Variants in INSL6 observed in about 807,000 individuals in gnomAD.
INSL6 encodes insulin-like peptide INSL6.
Under a neutral mutation model 9.4 loss-of-function variants are expected in INSL6, and 16 were observed. The observed-to-expected ratio is 1.70, with a 90% CI of 1.15 to 2.59. The LOEUF is 2.59. Among genes scored for constraint, INSL6 ranks in the 30% most tolerant of loss-of-function variants. The pLI, the probability that INSL6 is intolerant of heterozygous loss-of-function variation, is 0.00. For missense variants in INSL6, 391 were observed against 257.3 expected, an observed-to-expected ratio of 1.52 and a Z score of -3.56; for synonymous variants, 154 against 96.9, an observed-to-expected ratio of 1.59 and a Z score of -3.46.
chr9:5,127,190 T>TG (rs1375088560), intron 3 of INSL6: 10 of 235,642 alleles, frequency 4.2e-5, no homozygotes, highest in African/African-American at 2.2e-4. Flanking sequence ...TATAATACCT[T>TG]GGCATCTTGT....
the INSL6 span, among the ~76,000 whole-genome samples, chr9:5,021,495 T>C: frequency 6.6e-6 from 1 of 152,262 alleles, no homozygotes; most frequent in African/African-American, 2.4e-5. Flanking sequence ...ATTTCTTGCA[T>C]TGTGCTTTGT....
At chr9:5,094,836 C>T in the INSL6 span, 1 of 152,098 alleles carries the variant, frequency 6.6e-6, no homozygotes, top group Non-Finnish European at 1.5e-5. Context: ...GAACTCTGTA[C>T]CATAAATTTC....
the INSL6 span, among the ~76,000 whole-genome samples, chr9:4,997,688 A>G: frequency 6.6e-6 from 1 of 152,190 alleles, no homozygotes; most frequent in Non-Finnish European, 1.5e-5. Context: ...ATAGGCAACA[A>G]TTGAATATAT....
At chr9:5,002,874 T>C in the INSL6 span, among the ~76,000 whole-genome samples, 84 of 152,122 alleles carry the variant, frequency 5.5e-4, no homozygotes, top group Non-Finnish European at 5.7e-4. Flanking sequence ...AGAGGTCACA[T>C]TGGTCTGTTT....
chr9:5,123,112 T>C (rs997101813), downstream of INSL6: 1 of 1,587,806 alleles, frequency 6.3e-7, no homozygotes, highest in Admixed American at 1.8e-5. Flanking sequence ...AGAGTAAAAG[T>C]CCACCAGCGG....
At chr9:5,023,682 T>C in the INSL6 span, among the ~76,000 whole-genome samples, 2 of 152,248 alleles carry the variant, frequency 1.3e-5, no homozygotes, top group African/African-American at 4.8e-5. Flanking sequence ...TTTCGTCTCC[T>C]TCCTTGCTTT....
chr9:5,092,372 T>C, the INSL6 span, among the ~76,000 whole-genome samples: 1 of 152,168 alleles, frequency 6.6e-6, no homozygotes, highest in Non-Finnish European at 1.5e-5. Context: ...TAAGTCGTAA[T>C]ATGGTAAGTG....
chr9:5,147,233 C>T (rs148543548), intron 2 of INSL6, among the ~76,000 whole-genome samples: 55 of 152,224 alleles, frequency 3.6e-4, no homozygotes, highest in African/African-American at 1.3e-3. Context: ...AGGGTCTGTG[C>T]TGTGGAACTA....
the INSL6 span, among the ~76,000 whole-genome samples, chr9:5,062,500 T>TAAAAAA: frequency 2.7e-4 from 16 of 58,246 alleles, 1 homozygote; most frequent in South Asian, 1.3e-3. Flanking sequence ...CTTCCATTTG[T>TAAAAAA]AAAAAAAAAA....
the INSL6 span, chr9:5,097,076 A>T: frequency 6.6e-6 from 1 of 152,096 alleles, no homozygotes; most frequent in Admixed American, 6.5e-5. Context: ...AACCTAACAC[A>T]TGCAGGATCC....
the INSL6 span, chr9:5,111,442 T>A: frequency 6.3e-5 from 25 of 393,852 alleles, no homozygotes; most frequent in East Asian, 1.4e-3. Flanking sequence ...AGGTCCCGCC[T>A]GGTCTTCCAT....
the INSL6 span, among the ~76,000 whole-genome samples, chr9:5,081,408 G>C: frequency 6.6e-6 from 1 of 152,100 alleles, no homozygotes; most frequent in South Asian, 2.1e-4. Flanking sequence ...GCATGTGTTT[G>C]ACCTATAGGT....
At chr9:5,115,601 C>A in the INSL6 span, among the ~76,000 whole-genome samples, 1 of 152,152 alleles carries the variant, frequency 6.6e-6, no homozygotes, top group South Asian at 2.1e-4. Flanking sequence ...ACTATAAAGA[C>A]ACATGCACAT....
intron 3 of INSL6, chr9:5,128,305 G>T: frequency 4.5e-6 from 1 of 223,988 alleles, no homozygotes; most frequent in Non-Finnish European, 8.9e-6. Context: ...CATTTTTAAA[G>T]CATTTTAATA....
the INSL6 span, chr9:5,080,560 C>T: frequency 1.9e-6 from 3 of 1,596,174 alleles, no homozygotes; most frequent in Non-Finnish European, 2.6e-6. Flanking sequence ...AGATAGGCAT[C>T]AGCTTCCTGC....
chr9:5,027,868 C>T, the INSL6 span, among the ~76,000 whole-genome samples: 1 of 152,138 alleles, frequency 6.6e-6, no homozygotes, highest in African/African-American at 2.4e-5. Context: ...CTTCAAGCTC[C>T]ACTTCTAATT....
chr9:4,998,477 G>A, the INSL6 span, among the ~76,000 whole-genome samples: 106 of 152,136 alleles, frequency 7.0e-4, no homozygotes, highest in Non-Finnish European at 1.3e-3. Context: ...GGCTGGTCTC[G>A]AACTCCTGAC....
At chr9:4,994,677 A>G in the INSL6 span, among the ~76,000 whole-genome samples, 3 of 152,152 alleles carry the variant, frequency 2.0e-5, no homozygotes, top group Non-Finnish European at 2.9e-5. Flanking sequence ...CTGTGTTCTC[A>G]TAAAGCTTTA....
At chr9:5,062,055 T>C in the INSL6 span, among the ~76,000 whole-genome samples, 1 of 152,142 alleles carries the variant, frequency 6.6e-6, no homozygotes, top group Admixed American at 6.6e-5. Context: ...ATAGGCCCAG[T>C]GTGTGGTGCC....
Sources: allele counts gnomAD v4.1 joint callset (sites outside exome capture counted in the v4.1 genomes callset), GRCh38; gene constraint gnomAD v4.1.1; transcripts MANE v1.5; gene names NCBI Gene and HGNC (gene_info 2026-07-23, HGNC 2026-07-21).